The following MYOM3 variants were observed in gnomAD, a reference collection of about 807,000 sequenced individuals.
MYOM3 encodes the protein myomesin-3.
MYOM3 carries 155 observed loss-of-function variants against 191.7 expected under a neutral mutation model. The ratio of observed to expected loss-of-function variants is 0.81; its 90% CI spans 0.71 to 0.92. The LOEUF (loss-of-function observed/expected upper bound fraction) is 0.92, where lower values mean the gene tolerates loss of function less well. Ranked by LOEUF, MYOM3 falls within the 40% of genes least tolerant of loss-of-function variation. The pLI is 0.00. For missense variants in MYOM3, 1,889 were observed against 1,890.6 expected (o/e 1.00, Z 0.02); for synonymous variants, 757 against 762.9 (o/e 0.99, Z 0.13).
intron 20 of MYOM3, among the ~76,000 whole-genome samples, chr1:24,077,505 T>A (rs1327232580): frequency 1.2e-4 from 18 of 152,158 alleles, no homozygotes; most frequent in Admixed American, 8.5e-4. Context: ...CCCGCCTCCC[T>A]CCTGGCTCAC....
chr1:24,095,382 G>T, intron 8 of MYOM3, 60 bp downstream of exon 8: 1 of 1,500,910 alleles, frequency 6.7e-7, no homozygotes, highest in Non-Finnish European at 9.2e-7. Context: ...GGACTGTGGG[G>T]GTCGGGGAGC....
Position 24,095,313 on chromosome 1 carries a change from C to T in MYOM3, c.790+129G>A, listed in dbSNP as rs1269390195. On this transcript the variant is annotated intron_variant, in intron 8 of 36. Coordinates refer to ENST00000374434, the MANE Select transcript of MYOM3 (RefSeq NM_152372.4). ...AAGTCAGGTGCAGGTATTACCAGCT[C>T]ATAGACAAACCCCGGTGGACGTCCT... 7.7e-6 allele frequency: 7 copies of T among 913,992 alleles called. No individual in the cohort carries two copies. The African/African-American group carries it at 8.4e-5, about 11-fold the overall frequency. The allele number at this position is 913,992 out of a possible 1,614,324, so 56.6% of individuals were successfully genotyped here.
chr1:24,106,215 G>A (rs550539314), intron 4 of MYOM3, 138 bp from the exon 5 acceptor site: 1 of 1,002,054 alleles, frequency 1.0e-6, no homozygotes, highest in East Asian at 2.7e-5. Flanking sequence ...TCCCCTAGCT[G>A]AGCAGGGTGG....
intron 23 of MYOM3, 58 bp from the exon 24 acceptor site, chr1:24,072,071 T>TGG: frequency 6.6e-7 from 1 of 1,514,728 alleles, no homozygotes; most frequent in East Asian, 2.3e-5. Flanking sequence ...TGGTCGGGGG[T>TGG]GGGGGGCCCA....
rs955454324 is a variant in MYOM3, at chr1:24,063,618, G to A, written c.3623-88C>T. 367 of 1,500,156 alleles carry A rather than the reference G, an allele frequency of 2.4e-4. No individual in the cohort carries two copies. Among genetic ancestry groups the A allele is most frequent in the Non-Finnish European group, 3.3e-4 (353 of 1,083,356 alleles). The allele number at this position is 1,500,156 out of a possible 1,614,324, so 92.9% of individuals were successfully genotyped here. A position where few individuals can be genotyped will look rare whatever the true frequency, so the allele number is the denominator to read the frequency against. On this transcript the variant is annotated intron_variant, in intron 30 of 36. Transcript: ENST00000374434. The surrounding 1 kb of genome is among the most constrained non-coding windows in gnomAD (Gnocchi z 4.5). ...GGGGACATCCTAGAAAAAGGCTGGT[G>A]GAGCCCGTGAGCTGCTCTCAGGGGG...
rs780458567 is a variant in MYOM3, at chr1:24,071,159, C to G, written c.3108G>C (p.Glu1036Asp). The G allele has an allele frequency of 7.4e-6, 12 of 1,614,210 alleles. No individual in the cohort carries two copies. The East Asian group carries it at 2.7e-4, about 36-fold the overall frequency. ...CCTTGTTGTTGAAGATTAGATGTAGCTCAGCGGCTGGAGATAACTTTTCTA... is the reference window on the plus strand; with the variant it reads ...CCTTGTTGTTGAAGATTAGATGTAGGTCAGCGGCTGGAGATAACTTTTCTA... ...LEVEKLSPAA[E>D]LHLIFNNKEI... The change falls in exon 25 of 37, where the codon GAG becomes GAC. Residue 1036 changes from glutamate to aspartate, a missense_variant. Glu to Asp is a conservative substitution (Grantham distance 45). Coordinates refer to ENST00000374434, the MANE Select transcript of MYOM3 (RefSeq NM_152372.4).
Position 24,068,220 on chromosome 1 carries a change from G to A in MYOM3, c.3295+3C>T. 1.2e-6 allele frequency: 2 copies of A among 1,607,120 alleles called. No homozygotes were observed. Among genetic ancestry groups the A allele is most frequent in the Non-Finnish European group, 1.7e-6 (2 of 1,179,768 alleles). ...GGGCGGGGCGAGGCTGGGCATGGCT[G>A]ACCGTCATCCACCAGTGTCAAGGTA... On this transcript the variant is annotated splice_donor_region_variant and intron_variant, in intron 26 of 36. Coordinates refer to ENST00000374434, the MANE Select transcript of MYOM3 (RefSeq NM_152372.4).
chr1:24,106,122 C>T (rs781128525), intron 4 of MYOM3, 45 bp from the exon 5 acceptor site: 5 of 1,545,346 alleles, frequency 3.2e-6, no homozygotes, highest in Non-Finnish European at 3.5e-6. Context: ...CAGGGACCAC[C>T]TCTCTGCCAT....
At chr1:24,069,024 G>T (rs78745903) in intron 25 of MYOM3, among the ~76,000 whole-genome samples, 16,759 of 152,068 alleles carry the variant, frequency 0.11, 1,108 homozygotes, top group East Asian at 0.3. Context: ...GTGCCCAGCA[G>T]CTTATTTCCT....
chr1:24,105,852 G>A, intron 5 of MYOM3, 68 bp downstream of exon 5: 1 of 1,448,476 alleles, frequency 6.9e-7, no homozygotes, highest in Non-Finnish European at 9.4e-7. Context: ...CCTGGCAGAA[G>A]TATTGGATGT....
At chr1:24,076,510 T>TC (rs1570864860) in intron 20 of MYOM3, among the ~76,000 whole-genome samples, 2 of 60,290 alleles carry the variant, frequency 3.3e-5, no homozygotes, top group Non-Finnish European at 7.8e-5. Flanking sequence ...AATGTTTCTT[T>TC]TTTTTTTTTT....
chr1:24,072,760 C>T (rs560173488), intron 23 of MYOM3, among the ~76,000 whole-genome samples: 65 of 152,258 alleles, frequency 4.3e-4, no homozygotes, highest in Middle Eastern at 3.4e-3. Flanking sequence ...GTCTTGAACT[C>T]CTGACTTCAG....
chr1:24,084,475 C>T lies in MYOM3; in HGVS notation c.1963G>A (p.Gly655Ser), dbSNP rs761276470. ...WQTVNNKPIQGTRFTVPGLRT... is the reference protein window; with the variant it reads ...WQTVNNKPIQSTRFTVPGLRT... ...ACGGGTGGGCAGACGTACCTGGTGC[C>T]TTGGATGGGTTTGTTGTTAACTGTT... Residue 655 changes from glycine (G) to serine (S), a missense_variant, in exon 16 of 37, where the codon GGC (glycine) becomes AGC (serine). Gly to Ser is a moderately conservative substitution (Grantham distance 56, BLOSUM62 0). Coordinates refer to ENST00000374434, the MANE Select transcript of MYOM3 (RefSeq NM_152372.4). The T allele has an allele frequency of 1.9e-6, 3 of 1,614,106 alleles. No individual in the cohort carries two copies. The South Asian group carries it at 3.3e-5, about 18-fold the overall frequency.
chr1:24,060,988 A>G, intron 35 of MYOM3, 72 bp downstream of exon 35: 2 of 1,578,712 alleles, frequency 1.3e-6, no homozygotes, highest in Non-Finnish European at 1.7e-6. Flanking sequence ...GCAGCCCACC[A>G]AGAGGGTTGA....
At position 24,092,322 on chromosome 1, in the gene MYOM3, C is replaced by T. The variant is rs766296349; in HGVS notation, c.1091-7G>A. On this transcript the variant is annotated splice_region_variant and splice_polypyrimidine_tract_variant and intron_variant, in intron 10 of 36. Transcript: ENST00000374434. Reference sequence around the variant, plus strand: ...GGGTTCTCGGCCTCGGCATCTGAAACCCGGGGGTGAGAGGGAGGCCCTTCT... The same window carrying T: ...GGGTTCTCGGCCTCGGCATCTGAAATCCGGGGGTGAGAGGGAGGCCCTTCT... 5 of 1,349,260 alleles carry T rather than the reference C, an allele frequency of 3.7e-6. No homozygotes were observed. Among genetic ancestry groups the T allele is most frequent in the African/African-American group, 3.0e-5 (2 of 66,662 alleles). The allele number at this position is 1,349,260 out of a possible 1,614,324, so 83.6% of individuals were successfully genotyped here.
chr1:24,092,527 C>T (rs1367797399), intron 10 of MYOM3, among the ~76,000 whole-genome samples: 1 of 152,138 alleles, frequency 6.6e-6, no homozygotes, highest in Non-Finnish European at 1.5e-5. Flanking sequence ...CATTTTACAC[C>T]AAGTACCTGA....
chr1:24,086,473 G>T (rs922065570), intron 15 of MYOM3, among the ~76,000 whole-genome samples, 171 bp downstream of exon 15: 2 of 152,158 alleles, frequency 1.3e-5, no homozygotes, highest in Non-Finnish European at 2.9e-5. Context: ...AGAGAAATGT[G>T]ATTTCTGATG....
intron 29 of MYOM3, among the ~76,000 whole-genome samples, chr1:24,064,892 A>C (rs938914293): frequency 1.3e-5 from 2 of 152,152 alleles, no homozygotes; most frequent in Admixed American, 6.5e-5. Context: ...GGAAGTCTCC[A>C]AGTTCTCAGC....
At chr1:24,090,669 T>G in intron 12 of MYOM3, 128 bp downstream of exon 12, 2 of 866,160 alleles carry the variant, frequency 2.3e-6, no homozygotes, top group Non-Finnish European at 3.6e-6. Flanking sequence ...TAGTGTTTAC[T>G]GAGGGCTGGG....
Sources: allele counts gnomAD v4.1 joint callset (sites outside exome capture counted in the v4.1 genomes callset), GRCh38; gene constraint gnomAD v4.1.1; non-coding constraint Gnocchi (gnomAD v3.1); transcripts MANE v1.5; gene names NCBI Gene and HGNC (gene_info 2026-07-23, HGNC 2026-07-21).